DYNLRB1: variants seen among roughly 807,000 people sequenced by gnomAD.
DYNLRB1 encodes the protein dynein light chain roadblock-type 1, also known as ROBL/LC7-like 1.
In DYNLRB1, 6 loss-of-function variants were observed where a neutral mutation model predicts 13.5. That is an observed-to-expected ratio of 0.44 (90% confidence interval 0.24 to 0.88). The LOEUF is 0.88. Ranked by LOEUF, DYNLRB1 falls within the 40% of genes least tolerant of loss-of-function variation. The probability of loss-of-function intolerance (pLI) is 0.21; values close to 1 mark genes in which losing one functional copy is unlikely to be tolerated. For missense variants in DYNLRB1, 93 were observed against 127.2 expected, an observed-to-expected ratio of 0.73 and a Z score of 1.29; for synonymous variants, 43 against 45.0, an observed-to-expected ratio of 0.96 and a Z score of 0.18.
At chr20:34,529,238 C>T (rs1429474687) in intron 2 of DYNLRB1, among the ~76,000 whole-genome samples, 1 of 152,212 alleles carries the variant, frequency 6.6e-6, no homozygotes, top group Non-Finnish European at 1.5e-5. Flanking sequence ...AGGCCATGCC[C>T]GGTTGCGGGG....
intron 1 of DYNLRB1, among the ~76,000 whole-genome samples, chr20:34,519,898 C>G (rs1291599545): frequency 6.6e-6 from 1 of 152,172 alleles, no homozygotes; most frequent in Non-Finnish European, 1.5e-5. Context: ...CTTTGGGAGG[C>G]CAAGGTGGGC....
intron 3 of DYNLRB1, among the ~76,000 whole-genome samples, chr20:34,537,216 C>G (rs1201608960): frequency 1.3e-5 from 2 of 152,214 alleles, no homozygotes; most frequent in Non-Finnish European, 2.9e-5. Flanking sequence ...CACACTGTCT[C>G]TCTCCCACAC....
chr20:34,529,802 C>T, intron 2 of DYNLRB1: 2 of 1,382,872 alleles, frequency 1.4e-6, no homozygotes, highest in Non-Finnish European at 1.9e-6. Flanking sequence ...AGAACGTGCT[C>T]CCCAGCCCTG....
At chr20:34,538,823 G>A (rs1023697759) in intron 3 of DYNLRB1, among the ~76,000 whole-genome samples, 1 of 152,146 alleles carries the variant, frequency 6.6e-6, no homozygotes, top group East Asian at 1.9e-4. Context: ...CTGCCATTTC[G>A]CTCATGCTCA....
intron 1 of DYNLRB1, among the ~76,000 whole-genome samples, chr20:34,523,046 G>A (rs905097347): frequency 6.6e-6 from 1 of 152,156 alleles, no homozygotes; most frequent in Admixed American, 6.5e-5. Flanking sequence ...GGAGATGAAC[G>A]TGACCTAAAC....
chr20:34,527,563 C>G (rs568135612), intron 2 of DYNLRB1, among the ~76,000 whole-genome samples: 1 of 152,204 alleles, frequency 6.6e-6, no homozygotes, highest in Non-Finnish European at 1.5e-5. Context: ...GTTTCCCACA[C>G]GTATTCATTC....
chr20:34,532,681 G>A (rs925532030), intron 2 of DYNLRB1, among the ~76,000 whole-genome samples: 7 of 152,240 alleles, frequency 4.6e-5, no homozygotes, highest in African/African-American at 1.7e-4. Flanking sequence ...CCAGGAGCCA[G>A]CAGCAACCCT....
intron 3 of DYNLRB1, chr20:34,535,937 C>T (rs1315659128): frequency 1.3e-5 from 13 of 985,112 alleles, no homozygotes; most frequent in African/African-American, 1.7e-5. Context: ...AGGCTGGCCA[C>T]AGAGTTCTGA....
intron 1 of DYNLRB1, among the ~76,000 whole-genome samples, chr20:34,519,022 A>G (rs1979499227): frequency 6.6e-6 from 1 of 151,918 alleles, no homozygotes; most frequent in Admixed American, 6.6e-5. Flanking sequence ...CCTCCGGAGT[A>G]GCTGGGACTG....
At chr20:34,516,284 AAGC>A, upstream of DYNLRB1, 2 of 1,059,170 alleles carry the variant, frequency 1.9e-6, no homozygotes, top group Non-Finnish European at 2.7e-6. Context: ...CCACAGTGGA[AAGC>A]AGATTTTCCA....
intron 2 of DYNLRB1, among the ~76,000 whole-genome samples, chr20:34,534,407 C>CA (rs1980957159): frequency 1.3e-5 from 2 of 152,216 alleles, no homozygotes; most frequent in South Asian, 4.1e-4. Context: ...CCTGTTGCCT[C>CA]ATGGGCGAAT....
At chr20:34,516,369 T>A, upstream of DYNLRB1, 1 of 1,574,148 alleles carries the variant, frequency 6.4e-7, no homozygotes, top group Non-Finnish European at 8.7e-7. Context: ...CAGCTAGAGC[T>A]GTCCGTTTTG....
intron 2 of DYNLRB1, among the ~76,000 whole-genome samples, chr20:34,533,117 GC>G (rs1980840256): frequency 6.6e-6 from 1 of 152,192 alleles, no homozygotes; most frequent in African/African-American, 2.4e-5. Flanking sequence ...CTCAGTGTGA[GC>G]CGCATGCCTC....
chr20:34,533,185 A>G (rs528293061), intron 2 of DYNLRB1, among the ~76,000 whole-genome samples: 84 of 152,306 alleles, frequency 5.5e-4, no homozygotes, highest in Non-Finnish European at 9.8e-4. Context: ...GTTCATCTCA[A>G]GGAAACAGTC....
intron 3 of DYNLRB1, chr20:34,536,101 T>G: frequency 1.0e-6 from 1 of 985,404 alleles, no homozygotes; most frequent in South Asian, 4.7e-5. Flanking sequence ...GACAGAGCAG[T>G]TCAGTCACAG....
intron 2 of DYNLRB1, chr20:34,531,120 T>G (rs964855344): frequency 3.3e-5 from 5 of 152,278 alleles, no homozygotes; most frequent in South Asian, 4.1e-4. Flanking sequence ...GTAAGTCCCA[T>G]GAAGGCAAAG....
chr20:34,540,572 C>G lies in DYNLRB1; in HGVS notation c.248-9C>G. ...TTTAGTGATTTTTTTTCATTTTTCT[C>G]TTTTGCAGATAAAGACTATTTCCTG... On this transcript the variant is annotated splice_polypyrimidine_tract_variant and intron_variant, in intron 3 of 3. Coordinates refer to ENST00000357156, the MANE Select transcript of DYNLRB1 (RefSeq NM_014183.4). 1 of 1,610,914 alleles carries G rather than the reference C, an allele frequency of 6.2e-7. No homozygotes were observed. The highest frequency in any genetic ancestry group is 8.5e-7 in the Non-Finnish European group (1 of 1,178,764).
rs1171913769 is a variant in DYNLRB1, at chr20:34,540,565, T to C, written c.248-16T>C. On this transcript the variant is annotated splice_polypyrimidine_tract_variant and intron_variant, in intron 3 of 3. Coordinates refer to ENST00000357156, the MANE Select transcript of DYNLRB1 (RefSeq NM_014183.4). ...TTTTACATTTAGTGATTTTTTTTCA[T>C]TTTTCTCTTTTGCAGATAAAGACTA... The C allele has an allele frequency of 1.9e-6, 3 of 1,611,500 alleles. No individual in the cohort carries two copies. Among genetic ancestry groups the C allele is most frequent in the Non-Finnish European group, 2.5e-6 (3 of 1,178,644 alleles).
At chr20:34,517,498 TATATA>T (rs1310873504) in intron 1 of DYNLRB1, among the ~76,000 whole-genome samples, 3 of 152,212 alleles carry the variant, frequency 2.0e-5, no homozygotes, top group Admixed American at 6.5e-5. Context: ...AAAAAATTGA[TATATA>T]ATAGTTGTAC....
Sources: allele counts gnomAD v4.1 joint callset (sites outside exome capture counted in the v4.1 genomes callset), GRCh38; gene constraint gnomAD v4.1.1; transcripts MANE v1.5; gene names NCBI Gene and HGNC (gene_info 2026-07-23, HGNC 2026-07-21).